NCAM1: variants seen among roughly 807,000 people sequenced by gnomAD.
NCAM1 encodes neural cell adhesion molecule 1.
A neutral mutation model predicts 109.8 loss-of-function variants in NCAM1; 14 were observed. That is an observed-to-expected ratio of 0.13 (90% CI 0.08 to 0.20). The LOEUF is 0.20. Ranked by LOEUF, NCAM1 falls within the 10% of genes least tolerant of loss-of-function variation. The pLI is 1.00. For missense variants in NCAM1, 774 were observed against 1,109.9 expected (o/e 0.70, Z 4.30); for synonymous variants, 418 against 442.9 (o/e 0.94, Z 0.70).
intron 14 of NCAM1, chr11:113,236,260 G>A: frequency 1.2e-6 from 2 of 1,607,030 alleles, no homozygotes; most frequent in Non-Finnish European, 1.7e-6. Context: ...TCTGTCTCTT[G>A]TTTTTTCTTT....
chr11:113,070,881 C>T (rs1056454604), intron 1 of NCAM1, among the ~76,000 whole-genome samples: 2 of 152,148 alleles, frequency 1.3e-5, no homozygotes, highest in Admixed American at 1.3e-4. Flanking sequence ...GCCTCCCTCA[C>T]AGAAATATTT....
At chr11:113,056,019 ATATAT>A (rs1555082523) in intron 1 of NCAM1, among the ~76,000 whole-genome samples, 12 of 124,854 alleles carry the variant, frequency 9.6e-5, no homozygotes, top group South Asian at 2.5e-4. Context: ...ATATATATAT[ATATAT>A]AAAATATATA....
chr11:113,173,395 A>G (rs527521147), intron 1 of NCAM1, among the ~76,000 whole-genome samples: 1 of 152,012 alleles, frequency 6.6e-6, no homozygotes, highest in South Asian at 2.1e-4. Context: ...CTAATGGTAC[A>G]GAAAGTGGCG....
chr11:112,976,374 A>C (rs1951006875), intron 1 of NCAM1, among the ~76,000 whole-genome samples: 1 of 151,964 alleles, frequency 6.6e-6, no homozygotes, highest in African/African-American at 2.4e-5. Flanking sequence ...CAAATAAATC[A>C]ATTTTTTAAT....
intron 1 of NCAM1, among the ~76,000 whole-genome samples, chr11:113,191,159 C>T (rs1943663646): frequency 6.6e-6 from 1 of 152,172 alleles, no homozygotes; most frequent in Admixed American, 6.5e-5. Flanking sequence ...ACCACCAATG[C>T]TGAGAACTGA....
At chr11:113,082,382 G>A (rs145187328) in intron 1 of NCAM1, among the ~76,000 whole-genome samples, 1,559 of 152,254 alleles carry the variant, frequency 0.01, 23 homozygotes, top group African/African-American at 0.036. Flanking sequence ...AAAATGTTTT[G>A]AGCAATAATT....
At chr11:112,969,296 T>C (rs1555066359) in intron 1 of NCAM1, among the ~76,000 whole-genome samples, 2 of 152,126 alleles carry the variant, frequency 1.3e-5, no homozygotes, top group African/African-American at 4.8e-5. Context: ...AGTCTTTAAA[T>C]GGAAACTGAG....
intron 18 of NCAM1, 134 bp downstream of exon 18, chr11:113,270,529 G>A: frequency 1.2e-6 from 1 of 808,400 alleles, no homozygotes; most frequent in Non-Finnish European, 2.0e-6. Context: ...ACCCTGATGG[G>A]GGAAAAACAT....
rs79044736 is a variant in NCAM1 at position 113,184,755 on chromosome 11, T to C, written c.53-17624T>C. ...CAAATCAATAGAAAGATTGCCCAAC[T>C]GATCAGCTGACACTTATGGAGACCT... On this transcript the variant is annotated intron_variant, in intron 1 of 19. Coordinates refer to ENST00000316851, the MANE Select transcript of NCAM1 (RefSeq NM_181351.5). Among the ~76,000 whole-genome samples, 317 of 152,214 alleles carry C rather than the reference T, an allele frequency of 2.1e-3. 2 individuals carry two copies. The highest frequency in any genetic ancestry group is 7.3e-3 in the African/African-American group (302 of 41,540).
chr11:113,102,496 G>T (rs1189107608), intron 1 of NCAM1, among the ~76,000 whole-genome samples: 3 of 152,130 alleles, frequency 2.0e-5, no homozygotes, highest in Non-Finnish European at 4.4e-5. Flanking sequence ...CCTTTAGCTG[G>T]CATGGAGGCT....
chr11:113,173,591 G>GATATATATATATATAT (rs5794851), intron 1 of NCAM1, among the ~76,000 whole-genome samples: 191 of 126,628 alleles, frequency 1.5e-3, no homozygotes, highest in African/African-American at 1.9e-3. Flanking sequence ...CATGTTACCT[G>GATATATATATATATAT]ATATATATAT....
At chr11:113,110,286 G>A (rs574065824) in intron 1 of NCAM1, among the ~76,000 whole-genome samples, 48 of 152,166 alleles carry the variant, frequency 3.2e-4, no homozygotes, top group Non-Finnish European at 5.9e-4. Flanking sequence ...ATGGCCTTGG[G>A]AAGATAAAGG....
chr11:113,071,956 G>C (rs1170168715), intron 1 of NCAM1, among the ~76,000 whole-genome samples: 3 of 151,980 alleles, frequency 2.0e-5, no homozygotes, highest in Non-Finnish European at 2.9e-5. Context: ...ACCAGTCTGG[G>C]CAATATGGCA....
At chr11:113,197,530 A>G (rs1318550024) in intron 1 of NCAM1, among the ~76,000 whole-genome samples, 2 of 152,324 alleles carry the variant, frequency 1.3e-5, no homozygotes, top group East Asian at 3.9e-4. Context: ...ATAGTCACTG[A>G]TGATATTTAT....
At chr11:112,964,151 T>TG (rs1240331895) in intron 1 of NCAM1, among the ~76,000 whole-genome samples, 7 of 4,312 alleles carry the variant, frequency 1.6e-3, no homozygotes, top group Non-Finnish European at 1.5e-3. Context: ...TTTTTTTTTT[T>TG]TTTGTTTTTT....
chr11:113,203,885 A>G (rs1944150976), intron 2 of NCAM1, among the ~76,000 whole-genome samples: 1 of 152,200 alleles, frequency 6.6e-6, no homozygotes, highest in South Asian at 2.1e-4. Context: ...GTAGACTCAG[A>G]CCAGTTAGGC....
intron 9 of NCAM1, 68 bp from the exon 10 acceptor site, chr11:113,231,577 C>G: frequency 1.3e-6 from 2 of 1,502,002 alleles, no homozygotes; most frequent in Non-Finnish European, 1.8e-6. Context: ...CCCCATCCTG[C>G]CATAGCACTG....
chr11:112,970,989 A>T (rs146565153), intron 1 of NCAM1, among the ~76,000 whole-genome samples: 1 of 152,154 alleles, frequency 6.6e-6, no homozygotes. Flanking sequence ...AATATGATGG[A>T]GAAATTAAGA....
At chr11:113,088,251 G>C (rs1345299654) in intron 1 of NCAM1, among the ~76,000 whole-genome samples, 1 of 152,288 alleles carries the variant, frequency 6.6e-6, no homozygotes, top group East Asian at 1.9e-4. Flanking sequence ...TCAAATCACA[G>C]TAAAATCAGC....
Sources: allele counts gnomAD v4.1 joint callset (sites outside exome capture counted in the v4.1 genomes callset), GRCh38; gene constraint gnomAD v4.1.1; transcripts MANE v1.5; gene names NCBI Gene and HGNC (gene_info 2026-07-23, HGNC 2026-07-21).